DLGAP2: variants seen among roughly 807,000 people sequenced by gnomAD.
DLGAP2 encodes the protein DLG associated protein 2, also known as disks large-associated protein 2.
Under a neutral mutation model 100.3 loss-of-function variants are expected in DLGAP2, and 26 were observed. The observed-to-expected ratio is 0.26, with a 90% CI of 0.19 to 0.36. The LOEUF is 0.36. DLGAP2 is among the 10% of genes least tolerant of loss of function. The pLI, the probability that DLGAP2 is intolerant of heterozygous loss-of-function variation, is 1.00. For synonymous variants in DLGAP2, 886 were observed against 630.1 expected, an observed-to-expected ratio of 1.41 and a Z score of -6.08; for missense variants, 1,858 against 1,453.2, an observed-to-expected ratio of 1.28 and a Z score of -4.53.
At chr8:1,152,315 T>C (rs1481103812) in intron 2 of DLGAP2, among the ~76,000 whole-genome samples, 1 of 152,222 alleles carries the variant, frequency 6.6e-6, no homozygotes, top group Non-Finnish European at 1.5e-5. Context: ...TTAACATATG[T>C]AAATTGTGAG....
At chr8:1,141,700 T>C (rs931408983) in intron 2 of DLGAP2, among the ~76,000 whole-genome samples, 7 of 152,192 alleles carry the variant, frequency 4.6e-5, no homozygotes, top group Admixed American at 4.6e-4. Flanking sequence ...AAATGAATTA[T>C]GTACCCAAAA....
At chr8:1,144,977 A>G (rs1324247611) in intron 2 of DLGAP2, among the ~76,000 whole-genome samples, 1 of 144,430 alleles carries the variant, frequency 6.9e-6, no homozygotes, top group African/African-American at 2.5e-5. Flanking sequence ...GGCCTGTATG[A>G]ACAGACAAAC....
At chr8:1,228,262 TA>T (rs1179739942) in intron 2 of DLGAP2, among the ~76,000 whole-genome samples, 6 of 152,070 alleles carry the variant, frequency 3.9e-5, no homozygotes, top group African/African-American at 9.7e-5. Flanking sequence ...AATAAAACTT[TA>T]AAAAAAGGAA....
intron 7 of DLGAP2, among the ~76,000 whole-genome samples, chr8:1,630,595 G>A (rs1231069458): frequency 2.6e-5 from 4 of 152,002 alleles, no homozygotes; most frequent in South Asian, 4.2e-4. Flanking sequence ...CCAGCTACTC[G>A]GGAGGCCGAG....
At chr8:1,302,840 G>A (rs1253314569) in intron 3 of DLGAP2, among the ~76,000 whole-genome samples, 2 of 152,254 alleles carry the variant, frequency 1.3e-5, no homozygotes, top group Non-Finnish European at 2.9e-5. Flanking sequence ...CGGCGCCGCT[G>A]GAGTCGATTC....
intron 2 of DLGAP2, among the ~76,000 whole-genome samples, chr8:1,095,588 G>T (rs561155229): frequency 6.6e-6 from 1 of 152,162 alleles, no homozygotes; most frequent in African/African-American, 2.4e-5. Context: ...GAGGCTTGGG[G>T]GTCTTCAAAG....
rs529769499 is a variant in DLGAP2, at chr8:1,074,158, G to C, written c.73+166192G>C. Among the ~76,000 whole-genome samples, 84 of 142,178 alleles carry C rather than the reference G, an allele frequency of 5.9e-4. 5 individuals carry two copies. In the South Asian group the frequency reaches 0.018, roughly 31 times the overall value. The allele number at this position is 142,178 out of a possible 152,430, so 93.3% of individuals were successfully genotyped here. ...GCAGACTGAGGCTGAACTCACCCAG[G>C]TACATATTCAGGAGTCACTGTAACA... On this transcript the variant is annotated intron_variant, in intron 2 of 14. Transcript: ENST00000637795.
intron 3 of DLGAP2, among the ~76,000 whole-genome samples, chr8:1,343,005 T>G (rs1199930061): frequency 1.3e-5 from 2 of 152,156 alleles, no homozygotes; most frequent in Non-Finnish European, 2.9e-5. Context: ...AGCACAGAGA[T>G]TATTGAGAAA....
chr8:952,179 A>G (rs556626560), intron 2 of DLGAP2, among the ~76,000 whole-genome samples: 20 of 152,216 alleles, frequency 1.3e-4, no homozygotes, highest in African/African-American at 3.9e-4. Flanking sequence ...AATCCGACCC[A>G]TTTTGCAGAG....
intron 1 of DLGAP2, among the ~76,000 whole-genome samples, chr8:800,568 T>C (rs1490235539): frequency 6.6e-6 from 1 of 152,200 alleles, no homozygotes; most frequent in Non-Finnish European, 1.5e-5. Flanking sequence ...GATGCCTGCA[T>C]TGACATCTAC....
intron 3 of DLGAP2, among the ~76,000 whole-genome samples, chr8:1,418,894 C>T (rs1414109732): frequency 1.3e-5 from 2 of 152,220 alleles, no homozygotes; most frequent in Non-Finnish European, 2.9e-5. Context: ...TCCCATGGCT[C>T]TACCTCCAGT....
intron 1 of DLGAP2, among the ~76,000 whole-genome samples, chr8:754,653 C>G (rs963315933): frequency 6.6e-6 from 1 of 152,104 alleles, no homozygotes. Context: ...AGTTTGAGAC[C>G]AGCCTGGGCA....
intron 5 of DLGAP2, among the ~76,000 whole-genome samples, chr8:1,552,461 G>A (rs1180870163): frequency 2.0e-5 from 3 of 152,226 alleles, no homozygotes; most frequent in Non-Finnish European, 4.4e-5. Context: ...ATCAGGAGCT[G>A]TGTGCAACCT....
chr8:904,297 A>T (rs1258728527), intron 1 of DLGAP2, among the ~76,000 whole-genome samples: 2 of 152,174 alleles, frequency 1.3e-5, no homozygotes, highest in African/African-American at 4.8e-5. Context: ...AGGTGGGTGG[A>T]TTGCTTGAGG....
At chr8:1,076,255 C>A (rs549137697) in intron 2 of DLGAP2, among the ~76,000 whole-genome samples, 1 of 152,206 alleles carries the variant, frequency 6.6e-6, no homozygotes, top group Non-Finnish European at 1.5e-5. Context: ...TGAGCCTATA[C>A]CGCGTGCTGG....
At chr8:1,304,057 G>C (rs1048540364) in intron 3 of DLGAP2, among the ~76,000 whole-genome samples, 5 of 152,246 alleles carry the variant, frequency 3.3e-5, no homozygotes, top group African/African-American at 1.2e-4. Flanking sequence ...AGACTGCAAA[G>C]GTCAGCAGCA....
intron 12 of DLGAP2, among the ~76,000 whole-genome samples, chr8:1,682,509 C>T (rs1379552356): frequency 2.0e-5 from 3 of 150,228 alleles, no homozygotes; most frequent in Admixed American, 6.6e-5. Flanking sequence ...GAGTCTTGCT[C>T]TTTCTCCCAG....
chr8:1,606,066 G>A (rs557485745), intron 6 of DLGAP2, among the ~76,000 whole-genome samples: 5 of 152,148 alleles, frequency 3.3e-5, no homozygotes, highest in Non-Finnish European at 4.4e-5. Flanking sequence ...ATGAATTATC[G>A]TTAACTCTGC....
chr8:1,219,743 C>A (rs1798280690), intron 2 of DLGAP2, among the ~76,000 whole-genome samples: 1 of 152,006 alleles, frequency 6.6e-6, no homozygotes, highest in African/African-American at 2.4e-5. Context: ...CCGTATGTCC[C>A]AGGGCTTTTT....
Sources: allele counts gnomAD v4.1 joint callset (sites outside exome capture counted in the v4.1 genomes callset), GRCh38; gene constraint gnomAD v4.1.1; transcripts MANE v1.5; gene names NCBI Gene and HGNC (gene_info 2026-07-23, HGNC 2026-07-21).